Variants in ADGRG7 observed in about 807,000 individuals in gnomAD.
ADGRG7 encodes the protein adhesion G protein-coupled receptor G7, also known as G-protein coupled receptor 128.
Under a neutral mutation model 88.6 loss-of-function variants are expected in ADGRG7, and 82 were observed. That is an observed-to-expected ratio of 0.93 (90% confidence interval 0.77 to 1.11). The LOEUF (loss-of-function observed/expected upper bound fraction) is 1.11. ADGRG7 is among the 50% of genes most tolerant of loss of function. The pLI, the probability that ADGRG7 is intolerant of heterozygous loss-of-function variation, is 0.00. For synonymous variants in ADGRG7, 381 were observed against 345.2 expected, an observed-to-expected ratio of 1.10 and a Z score of -1.15; for missense variants, 945 against 953.4, an observed-to-expected ratio of 0.99 and a Z score of 0.12.
At chr3:100,666,032 A>G (rs2149033617) in intron 14 of ADGRG7, among the ~76,000 whole-genome samples, 1 of 151,670 alleles carries the variant, frequency 6.6e-6, no homozygotes, top group African/African-American at 2.4e-5. Context: ...TTGGATGCTT[A>G]TTAATGATCA....
intron 3 of ADGRG7, among the ~76,000 whole-genome samples, chr3:100,632,490 A>G (rs1411702721): frequency 1.3e-5 from 2 of 152,170 alleles, no homozygotes; most frequent in Non-Finnish European, 2.9e-5. Context: ...TGAGGAAAAG[A>G]TGCATCTGAC....
chr3:100,643,227 C>T (rs540674410), intron 6 of ADGRG7, 39 bp from the exon 7 acceptor site: 3 of 1,583,314 alleles, frequency 1.9e-6, no homozygotes, highest in African/African-American at 2.7e-5. Flanking sequence ...CATTTTATGA[C>T]AAAATCTTGA....
At chr3:100,689,055 G>T in intron 15 of ADGRG7, among the ~76,000 whole-genome samples, 1 of 152,162 alleles carries the variant, frequency 6.6e-6, no homozygotes, top group Non-Finnish European at 1.5e-5. Flanking sequence ...GTGAATCTGG[G>T]TGCTCCTGTA....
Position 100,654,989 on chromosome 3 carries a change from G to A in ADGRG7, c.1534G>A (p.Asp512Asn). Reference protein sequence around the residue: ...DINNIDFDNNDIPRTDTINIP... With the variant: ...DINNIDFDNNNIPRTDTINIP... Reference sequence around the variant, plus strand: ...CAATAATATTGACTTTGACAATAATGACATACCCAGGACAGACACCATTAA... The same window carrying A: ...CAATAATATTGACTTTGACAATAATAACATACCCAGGACAGACACCATTAA... Residue 512 changes from aspartate (D) to asparagine (N), a missense_variant, in exon 12 of 16, where the codon GAC becomes AAC. Physicochemically the swap from Asp to Asn is conservative, Grantham distance 23. Coordinates refer to ENST00000273352, the MANE Select transcript of ADGRG7 (RefSeq NM_032787.3). The A allele has an allele frequency of 6.2e-7, 1 of 1,614,036 alleles. No homozygotes were observed.
intron 6 of ADGRG7, among the ~76,000 whole-genome samples, chr3:100,640,119 C>T (rs1354082963): frequency 6.6e-6 from 1 of 152,182 alleles, no homozygotes; most frequent in African/African-American, 2.4e-5. Flanking sequence ...GTCAACAACC[C>T]TTTAGCTCTC....
intron 13 of ADGRG7, among the ~76,000 whole-genome samples, chr3:100,659,191 G>C (rs971093877): frequency 2.6e-5 from 4 of 152,036 alleles, no homozygotes; most frequent in Non-Finnish European, 5.9e-5. Flanking sequence ...CCAGCACTTT[G>C]GGAGGCCGAG....
chr3:100,671,645 A>C (rs2094958810), intron 15 of ADGRG7, among the ~76,000 whole-genome samples: 1 of 152,134 alleles, frequency 6.6e-6, no homozygotes, highest in African/African-American at 2.4e-5. Flanking sequence ...CTTTGTCCTG[A>C]ATGGTATTGC....
At chr3:100,632,319 G>C (rs1285596487) in intron 3 of ADGRG7, among the ~76,000 whole-genome samples, 2 of 151,962 alleles carry the variant, frequency 1.3e-5, no homozygotes, top group Non-Finnish European at 2.9e-5. Flanking sequence ...TCAAATTTCA[G>C]ATTGAGCCTA....
At chr3:100,667,332 C>T (rs1363204660) in intron 14 of ADGRG7, among the ~76,000 whole-genome samples, 3 of 152,118 alleles carry the variant, frequency 2.0e-5, no homozygotes, top group Non-Finnish European at 4.4e-5. Context: ...CTCCCCTAGC[C>T]CCCACCACTG....
chr3:100,636,118 G>C (rs535058316), intron 5 of ADGRG7, among the ~76,000 whole-genome samples: 1 of 152,188 alleles, frequency 6.6e-6, no homozygotes, highest in South Asian at 2.1e-4. Context: ...GCAGTGGCAC[G>C]ATCTTAAGTC....
chr3:100,619,838 C>G (rs978667911), intron 1 of ADGRG7, among the ~76,000 whole-genome samples: 2 of 152,192 alleles, frequency 1.3e-5, no homozygotes, highest in African/African-American at 4.8e-5. Flanking sequence ...GACACGTACA[C>G]TCTCCCAAGA....
chr3:100,686,281 T>G (rs2094982491), intron 15 of ADGRG7, among the ~76,000 whole-genome samples: 1 of 152,220 alleles, frequency 6.6e-6, no homozygotes, highest in South Asian at 2.1e-4. Flanking sequence ...ATTAGCCCTT[T>G]GTCAGATGAG....
At chr3:100,691,003 G>T (rs1225900487) in intron 15 of ADGRG7, among the ~76,000 whole-genome samples, 3 of 152,224 alleles carry the variant, frequency 2.0e-5, no homozygotes, top group African/African-American at 7.2e-5. Context: ...GAGCTGTGGT[G>T]GGCTCCACCT....
At position 100,646,552 on chromosome 3, in the gene ADGRG7, G is replaced by A. The variant is rs201057007; in HGVS notation, c.1111-17G>A. ...GTATTTAGAAACAGTAATTGTAATTGTCTTATCAATTCATAGTACAACCAA... is the reference window on the plus strand; with the variant it reads ...GTATTTAGAAACAGTAATTGTAATTATCTTATCAATTCATAGTACAACCAA... On this transcript the variant is annotated splice_polypyrimidine_tract_variant and intron_variant, in intron 9 of 15. Coordinates refer to ENST00000273352, the MANE Select transcript of ADGRG7 (RefSeq NM_032787.3). The A allele has an allele frequency of 1.2e-3, 1,927 of 1,597,006 alleles. 4 individuals are homozygous for A. Among genetic ancestry groups the A allele is most frequent in the Non-Finnish European group, 1.6e-3 (1,861 of 1,167,142 alleles).
intron 11 of ADGRG7, among the ~76,000 whole-genome samples, chr3:100,650,025 C>T (rs1056819823): frequency 5.3e-5 from 8 of 152,070 alleles, no homozygotes; most frequent in African/African-American, 1.9e-4. Flanking sequence ...AATTATATGC[C>T]ACTTATTTAC....
intron 10 of ADGRG7, among the ~76,000 whole-genome samples, chr3:100,647,288 C>T (rs867930946): frequency 7.2e-5 from 11 of 152,114 alleles, no homozygotes; most frequent in Non-Finnish European, 1.2e-4. Flanking sequence ...AGTCCATGTG[C>T]GAAAGAAAAG....
At chr3:100,663,426 T>A (rs2094948042) in intron 14 of ADGRG7, among the ~76,000 whole-genome samples, 1 of 152,066 alleles carries the variant, frequency 6.6e-6, no homozygotes, top group Admixed American at 6.5e-5. Flanking sequence ...GTTTAAAGAA[T>A]TCTTAAACTT....
At chr3:100,625,626 C>T (rs2149015213) in intron 1 of ADGRG7, among the ~76,000 whole-genome samples, 1 of 152,250 alleles carries the variant, frequency 6.6e-6, no homozygotes, top group East Asian at 1.9e-4. Flanking sequence ...GGAAATGCTG[C>T]CCATTTTTGC....
rs1396884416 is a variant in ADGRG7, at chr3:100,695,462, T to A, written c.*461T>A. 6.6e-6 allele frequency: 1 copy of A among 152,570 alleles called. No individual in the cohort carries two copies. The highest frequency in any genetic ancestry group is 1.5e-5 in the Non-Finnish European group (1 of 68,318). The allele number at this position is 152,570 out of a possible 1,614,324, so 9.5% of individuals were successfully genotyped here. A position where few individuals can be genotyped will look rare whatever the true frequency, so the allele number is the denominator to read the frequency against. ...TATGTGCTTGTACTTTTATTTCCAA[T>A]GAAGAATTTGGCACCAATTCAAACT... On this transcript the variant is annotated 3_prime_UTR_variant, in exon 16 of 16. Transcript: ENST00000273352.
Sources: gnomAD v4.1 joint callset for allele counts (sites outside exome capture counted in the v4.1 genomes callset) on GRCh38, gnomAD v4.1.1 for gene constraint, MANE v1.5 for transcripts, NCBI Gene and HGNC (gene_info 2026-07-23, HGNC 2026-07-21) for gene names.